The following MLLT10 variants were observed in gnomAD, a reference collection of about 807,000 sequenced individuals.
MLLT10 encodes the protein protein AF-10.
MLLT10 carries 30 observed loss-of-function variants against 129.1 expected under a neutral mutation model. That is an observed-to-expected ratio of 0.23 (90% CI 0.17 to 0.32). The LOEUF is 0.32. Ranked by LOEUF, MLLT10 falls within the 10% of genes least tolerant of loss-of-function variation. MLLT10 has a pLI of 1.00. For missense variants in MLLT10, 1,119 were observed against 1,268.3 expected, an observed-to-expected ratio of 0.88 and a Z score of 1.79; for synonymous variants, 490 against 446.4, an observed-to-expected ratio of 1.10 and a Z score of -1.23.
intron 5 of MLLT10, among the ~76,000 whole-genome samples, chr10:21,609,208 A>T (rs1380305963): frequency 2.0e-5 from 3 of 151,892 alleles, no homozygotes; most frequent in Admixed American, 1.3e-4. Flanking sequence ...ATTGTCCTTA[A>T]CCTCTTAGCC....
chr10:21,555,201 C>T (rs1423299835), intron 3 of MLLT10, among the ~76,000 whole-genome samples: 3 of 151,900 alleles, frequency 2.0e-5, no homozygotes, highest in Non-Finnish European at 2.9e-5. Context: ...TTCTTGGATA[C>T]AATTTATTTT....
At chr10:21,619,955 T>TAGGCTGGAGTGTCGCCC (rs1465109597) in intron 8 of MLLT10, among the ~76,000 whole-genome samples, 3 of 150,960 alleles carry the variant, frequency 2.0e-5, no homozygotes, top group African/African-American at 7.3e-5. Flanking sequence ...TTTTGTCGCT[T>TAGGCTGGAGTGTCGCCC]AGGCTGGAGT....
intron 3 of MLLT10, among the ~76,000 whole-genome samples, chr10:21,561,901 G>T (rs1396584604): frequency 1.3e-5 from 2 of 151,928 alleles, no homozygotes; most frequent in Non-Finnish European, 2.9e-5. Context: ...TGCCTCCTGG[G>T]TTCAAGCAAT....
chr10:21,635,906 G>T (rs1262861860), intron 8 of MLLT10, among the ~76,000 whole-genome samples: 2 of 148,238 alleles, frequency 1.3e-5, no homozygotes, highest in African/African-American at 2.5e-5. Context: ...GATTACAAGC[G>T]TGAGCCGCTG....
At chr10:21,540,261 C>T (rs1047904266) in intron 3 of MLLT10, among the ~76,000 whole-genome samples, 3 of 151,928 alleles carry the variant, frequency 2.0e-5, no homozygotes, top group Admixed American at 6.6e-5. Context: ...TGTGGCAGCG[C>T]GTGCCTATAG....
At chr10:21,598,955 A>G (rs1354668043) in intron 5 of MLLT10, among the ~76,000 whole-genome samples, 1 of 151,940 alleles carries the variant, frequency 6.6e-6, no homozygotes, top group Non-Finnish European at 1.5e-5. Flanking sequence ...CCAGGCGGGT[A>G]GATCACGAGG....
chr10:21,612,614 CTG>C (rs1217827233), intron 6 of MLLT10, among the ~76,000 whole-genome samples, 163 bp downstream of exon 6: 3 of 152,102 alleles, frequency 2.0e-5, no homozygotes, highest in African/African-American at 7.2e-5. Flanking sequence ...ATTTTAATAA[CTG>C]AATGTATTTA....
intron 8 of MLLT10, among the ~76,000 whole-genome samples, chr10:21,633,323 A>T (rs1028270085): frequency 1.3e-5 from 2 of 152,216 alleles, no homozygotes; most frequent in African/African-American, 4.8e-5. Flanking sequence ...AACACTTATG[A>T]TTTAGAATCA....
At chr10:21,671,389 C>T (rs994420352) in intron 10 of MLLT10, among the ~76,000 whole-genome samples, 5 of 152,128 alleles carry the variant, frequency 3.3e-5, no homozygotes, top group African/African-American at 1.2e-4. Context: ...GGCGTGGTGG[C>T]TCACATCTAT....
intron 5 of MLLT10, among the ~76,000 whole-genome samples, chr10:21,605,865 T>G (rs1314882472): frequency 6.6e-6 from 1 of 152,240 alleles, no homozygotes; most frequent in African/African-American, 2.4e-5. Context: ...CTTTTTTTTC[T>G]TAAGCATATC....
intron 11 of MLLT10, among the ~76,000 whole-genome samples, chr10:21,678,372 G>T (rs2052404974): frequency 6.6e-6 from 1 of 152,102 alleles, no homozygotes; most frequent in East Asian, 1.9e-4. Flanking sequence ...CAAAATGCTG[G>T]GATTACAGGT....
intron 3 of MLLT10, among the ~76,000 whole-genome samples, chr10:21,545,872 G>T (rs1441159481): frequency 6.6e-6 from 1 of 151,998 alleles, no homozygotes; most frequent in Non-Finnish European, 1.5e-5. Context: ...TTGTTATGTT[G>T]CCCAGGCTGG....
rs537178311 is a variant in MLLT10 at position 21,619,389 on chromosome 10, G to A, written c.699+2182G>A. On this transcript the variant is annotated intron_variant, in intron 8 of 22. Coordinates refer to ENST00000307729, the MANE Select transcript of MLLT10 (RefSeq NM_001195626.3). ...TATAAAAAGCGCTTACTATATGATC[G>A]TATTTATTTTAAGATATGCCCTATC... is the stretch of plus-strand genomic sequence containing the variant. Among the ~76,000 whole-genome samples the A allele has an allele frequency of 8.6e-5, 13 of 151,988 alleles. No homozygotes were observed. The South Asian group carries it at 1.0e-3, about 12-fold the overall frequency.
At chr10:21,697,095 T>G (rs762857985) in intron 13 of MLLT10, among the ~76,000 whole-genome samples, 22 of 22,982 alleles carry the variant, frequency 9.6e-4, no homozygotes, top group Non-Finnish European at 1.5e-3. Flanking sequence ...CTGTCTGATT[T>G]AAGCAAAAAA....
intron 4 of MLLT10, among the ~76,000 whole-genome samples, chr10:21,591,207 C>G: frequency 6.6e-6 from 1 of 152,194 alleles, no homozygotes; most frequent in African/African-American, 2.4e-5. Flanking sequence ...CACGTGCACG[C>G]CACCTTATCC....
intron 3 of MLLT10, chr10:21,557,211 CCTTGTG>C: frequency 8.2e-7 from 1 of 1,213,184 alleles, no homozygotes; most frequent in African/African-American, 1.5e-5. Context: ...TTATTTTTCC[CCTTGTG>C]CTTAATGATT....
At chr10:21,677,798 C>T (rs1173013283) in intron 11 of MLLT10, among the ~76,000 whole-genome samples, 4 of 152,010 alleles carry the variant, frequency 2.6e-5, no homozygotes, top group Admixed American at 6.6e-5. Context: ...AATGACAGGT[C>T]GATAATTTAG....
chr10:21,688,602 G>A, intron 13 of MLLT10: 1 of 1,436,768 alleles, frequency 7.0e-7, no homozygotes. Flanking sequence ...ATTGTAGCTT[G>A]GAAACCTTCC....
Position 21,734,112 on chromosome 10 carries a change from A to G in MLLT10, c.2841A>G (p.Pro947=). Residue 947 remains proline (P), a synonymous_variant, in exon 20 of 23, where the codon CCA becomes CCG. Coordinates refer to ENST00000307729, the MANE Select transcript of MLLT10 (RefSeq NM_001195626.3). The part of the protein sequence containing the change: ...TVPPNATHPM[P]ATLTNSASGL... ...CACCTAATGCAACACATCCAATGCC[A>G]GCTACACTGACTAACAGGTAAGAAA... 1 of 1,606,934 alleles carries G rather than the reference A, an allele frequency of 6.2e-7. No homozygotes were observed.
Sources: gnomAD v4.1 joint callset for allele counts (sites outside exome capture counted in the v4.1 genomes callset) on GRCh38, gnomAD v4.1.1 for gene constraint, MANE v1.5 for transcripts, NCBI Gene and HGNC (gene_info 2026-07-23, HGNC 2026-07-21) for gene names.